The following CENPC variants were observed in gnomAD, a reference collection of about 807,000 sequenced individuals.
CENPC encodes the protein CENP-C 1.
A neutral mutation model predicts 112.1 loss-of-function variants in CENPC; 63 were observed. The observed-to-expected ratio is 0.56, with a 90% CI of 0.46 to 0.69. The LOEUF (loss-of-function observed/expected upper bound fraction) is 0.69, where lower values mean the gene tolerates loss of function less well. Among genes scored for constraint, CENPC ranks in the 30% least tolerant of loss-of-function variants. The pLI, the probability that CENPC is intolerant of heterozygous loss-of-function variation, is 0.00. For synonymous variants in CENPC, 333 were observed against 367.6 expected (o/e 0.91, Z 1.08); for missense variants, 1,000 against 1,103.8 (o/e 0.91, Z 1.33).
Position 67,545,466 on chromosome 4 carries a change from G to C in CENPC, c.-111C>G. On this transcript the variant is annotated 5_prime_UTR_variant, in exon 1 of 19. Coordinates refer to ENST00000273853, the MANE Select transcript of CENPC (RefSeq NM_001812.4). ...CGCCGGAATACCAGGCCGCGGCCAA[G>C]CAATAACCTTAAGTCTCAGGCGACT... 2 of 1,190,612 alleles carry C rather than the reference G, an allele frequency of 1.7e-6. No individual in the cohort carries two copies. Among genetic ancestry groups the C allele is most frequent in the East Asian group, 3.0e-5 (1 of 33,688 alleles). 73.8% of individuals were successfully genotyped at this position (1,190,612 alleles called of 1,614,324 possible). A position where few individuals can be genotyped will look rare whatever the true frequency, so the allele number is the denominator to read the frequency against.
In CENPC at chr4:67,471,079, C is replaced by T. The variant is rs1724648294; in HGVS notation, c.*1526G>A. 1 of 152,224 alleles carries T rather than the reference C, an allele frequency of 6.6e-6. No homozygotes were observed. Among genetic ancestry groups the T allele is most frequent in the Admixed American group, 6.5e-5 (1 of 15,282 alleles). The allele number at this position is 152,224 out of a possible 1,614,324, so 9.4% of individuals were successfully genotyped here. On this transcript the variant is annotated 3_prime_UTR_variant, in exon 19 of 19. Coordinates refer to ENST00000273853, the MANE Select transcript of CENPC (RefSeq NM_001812.4). ...TACAATGAATGCATCCCCCATCCCA[C>T]ACAGAACAACCAACAGTGGGTGGAA...
At chr4:67,495,270 A>C in intron 12 of CENPC, 58 bp from the exon 13 acceptor site, 7 of 1,417,788 alleles carry the variant, frequency 4.9e-6, no homozygotes, top group Non-Finnish European at 6.6e-6. Context: ...TGTTAAATTA[A>C]AATGTGTTTC....
chr4:67,477,562 G>C (rs1724839924), intron 17 of CENPC, among the ~76,000 whole-genome samples: 1 of 152,170 alleles, frequency 6.6e-6, no homozygotes, highest in Non-Finnish European at 1.5e-5. Context: ...TGCAGTGCTT[G>C]ACCTCCAGAT....
rs1487272554 is a variant in CENPC at position 67,514,434 on chromosome 4, T to C, written c.1084A>G (p.Lys362Glu). ...NILPKTLANDKHSHKPHPVET... is the reference protein window; with the variant it reads ...NILPKTLANDEHSHKPHPVET... ...ACTGGGTGAGGTTTATGGGAATGTT[T>C]GTCATTTGCCAAAGTCTTAGGTAAT... Residue 362 changes from lysine (K) to glutamate (E), a missense_variant, in exon 8 of 19, where the codon AAA (lysine) becomes GAA (glutamate). Lys to Glu is a moderately conservative substitution (Grantham distance 56). Coordinates refer to ENST00000273853, the MANE Select transcript of CENPC (RefSeq NM_001812.4). The C allele has an allele frequency of 6.2e-7, 1 of 1,613,486 alleles. No individual in the cohort carries two copies.
At chr4:67,504,980 C>T (rs2109792505) in intron 12 of CENPC, 1 of 512,864 alleles carries the variant, frequency 1.9e-6, no homozygotes, top group South Asian at 2.9e-5. Flanking sequence ...CTGGAGTAGA[C>T]ACCTTAAGTG....
chr4:67,495,418 T>C (rs1481336981), intron 12 of CENPC, among the ~76,000 whole-genome samples: 3 of 152,200 alleles, frequency 2.0e-5, no homozygotes, highest in South Asian at 2.1e-4. Flanking sequence ...AATGAATACA[T>C]TGCAAGTTTG....
chr4:67,533,933 G>C (rs775035903), intron 4 of CENPC, among the ~76,000 whole-genome samples: 1 of 152,168 alleles, frequency 6.6e-6, no homozygotes, highest in Non-Finnish European at 1.5e-5. Context: ...ACCTACTCAG[G>C]AGGCTGAGGC....
chr4:67,489,217 CACACAT>C (rs1560421987), intron 17 of CENPC, among the ~76,000 whole-genome samples: 3 of 151,550 alleles, frequency 2.0e-5, no homozygotes, highest in East Asian at 3.9e-4. Flanking sequence ...CACACACACA[CACACAT>C]ACACACATAT....
At chr4:67,540,840 T>G in intron 3 of CENPC, 140 bp downstream of exon 3, 1 of 664,232 alleles carries the variant, frequency 1.5e-6, no homozygotes, top group Non-Finnish European at 2.6e-6. Context: ...GGATTGCATA[T>G]GAACTCAAAA....
At position 67,539,904 on chromosome 4, in the gene CENPC, G is replaced by A. The variant is rs552615993; in HGVS notation, c.167C>T (p.Thr56Ile). ...SLANDFSTNS[T>I]KSVPNSTRKI... Reference sequence around the variant, plus strand: ...GCGTGTTGAATTAGGCACTGATTTTGTAGAATTTGTACTAAAATCATTGGC... The same window carrying A: ...GCGTGTTGAATTAGGCACTGATTTTATAGAATTTGTACTAAAATCATTGGC... Residue 56 changes from threonine to isoleucine, a missense_variant, in exon 4 of 19, where the codon ACA (threonine) becomes ATA (isoleucine). Transcript: ENST00000273853. The A allele has an allele frequency of 2.6e-6, 4 of 1,525,960 alleles. No homozygotes were observed. In the African/African-American group the frequency reaches 5.6e-5, roughly 21 times the overall value. 94.5% of individuals were successfully genotyped at this position (1,525,960 alleles called of 1,614,324 possible). A position where few individuals can be genotyped will look rare whatever the true frequency, so the allele number is the denominator to read the frequency against.
chr4:67,512,542 T>A lies in CENPC; in HGVS notation c.1472A>T (p.Asp491Val), dbSNP rs1259452734. 2 of 1,554,162 alleles carry A rather than the reference T, an allele frequency of 1.3e-6. No individual in the cohort carries two copies. The highest frequency in any genetic ancestry group is 4.2e-5 in the Admixed American group (2 of 47,174). Residue 491 changes from aspartate to valine, a missense_variant, in exon 9 of 19, where the codon GAT (aspartate) becomes GTT (valine). Asp to Val is a radical substitution (Grantham distance 152). Transcript: ENST00000273853. ...GCGCTTCTTTTTAGATTCTTCCTTA[T>A]CTTTTCTAGTGCTACTTTTCTTGCT... The part of the protein sequence containing the change: ...VGSKKSSTRK[D>V]KEESKKKRFS...
In CENPC at chr4:67,505,222, T is replaced by G; in HGVS notation, c.2114A>C (p.Glu705Ala). The change falls in exon 12 of 19, where the codon GAA becomes GCA. Residue 705 changes from glutamate (E) to alanine (A), a missense_variant. By Grantham distance (107) the Glu-to-Ala change is moderately radical. Coordinates refer to ENST00000273853, the MANE Select transcript of CENPC (RefSeq NM_001812.4). ...TAGTTTACCTGAACTTCCATGAACT[T>G]CCTCATCATCCACATCATTCTTTCC... ...MSGKNDVDDE[E>A]VHGSSDDSKQ... is the part of the protein sequence containing the mutation. The G allele has an allele frequency of 2.5e-6, 4 of 1,581,470 alleles. No individual in the cohort carries two copies. The highest frequency in any genetic ancestry group is 3.4e-6 in the Non-Finnish European group (4 of 1,163,506).
At chr4:67,510,772 A>T (rs1381609989) in intron 9 of CENPC, 1 of 321,336 alleles carries the variant, frequency 3.1e-6, no homozygotes, top group African/African-American at 2.2e-5. Flanking sequence ...GGGCAGGTCA[A>T]GTTGTTCTTC....
At chr4:67,523,425 A>G (rs536955748) in intron 5 of CENPC, among the ~76,000 whole-genome samples, 1 of 152,340 alleles carries the variant, frequency 6.6e-6, no homozygotes, top group Non-Finnish European at 1.5e-5. Context: ...AACAATTCTG[A>G]CACTCTTTTA....
chr4:67,491,861 A>C (rs1318615019), intron 16 of CENPC, among the ~76,000 whole-genome samples: 1 of 152,094 alleles, frequency 6.6e-6, no homozygotes, highest in African/African-American at 2.4e-5. Flanking sequence ...AATTCCCCAT[A>C]AACAGCCTCT....
chr4:67,473,300 G>A (rs2109755815), intron 18 of CENPC, among the ~76,000 whole-genome samples: 1 of 152,264 alleles, frequency 6.6e-6, no homozygotes, highest in Non-Finnish European at 1.5e-5. Context: ...CAGCAAAAGT[G>A]AAATACAGAT....
rs762214994 is a variant in CENPC at position 67,514,570 on chromosome 4, A to T, written c.948T>A (p.Ser316=). Residue 316 remains serine, a synonymous_variant, in exon 8 of 19, where the codon TCT becomes TCA. Transcript: ENST00000273853. ...CTGCCTTTCTTGGTATTGTAATCCA[A>T]GATCTACTGGCAAAACTTTGATCCG... The part of the protein sequence containing the change: ...DESDQSFASR[S]WITIPRKAGS... 1 of 1,610,934 alleles carries T rather than the reference A, an allele frequency of 6.2e-7. No individual in the cohort carries two copies. The highest frequency in any genetic ancestry group is 2.2e-5 in the East Asian group (1 of 44,694).
chr4:67,533,175 T>C (rs903311630), intron 4 of CENPC, among the ~76,000 whole-genome samples: 2 of 152,204 alleles, frequency 1.3e-5, no homozygotes, highest in African/African-American at 4.8e-5. Context: ...GACAATTGAA[T>C]CATCAGGGTC....
At chr4:67,473,095 T>C (rs1475908329) in intron 18 of CENPC, among the ~76,000 whole-genome samples, 1 of 152,162 alleles carries the variant, frequency 6.6e-6, no homozygotes, top group African/African-American at 2.4e-5. Context: ...TTTTTTGTTT[T>C]TGTTTTTTCT....
Sources: gnomAD v4.1 joint callset for allele counts (sites outside exome capture counted in the v4.1 genomes callset) on GRCh38, gnomAD v4.1.1 for gene constraint, MANE v1.5 for transcripts, NCBI Gene and HGNC (gene_info 2026-07-23, HGNC 2026-07-21) for gene names.